The following CNOT11 variants were observed in gnomAD, a reference collection of about 807,000 sequenced individuals.
CNOT11 encodes the protein UPF0760 protein C2orf29.
Under a neutral mutation model 44.6 loss-of-function variants are expected in CNOT11, and 18 were observed. The observed-to-expected ratio is 0.40, with a 90% CI of 0.28 to 0.60. The LOEUF (loss-of-function observed/expected upper bound fraction) is 0.60, where lower values mean the gene tolerates loss of function less well. CNOT11 is among the 20% of genes least tolerant of loss of function. The probability of loss-of-function intolerance (pLI) is 0.38; values close to 1 mark genes in which losing one functional copy is unlikely to be tolerated. For synonymous variants in CNOT11, 291 were observed against 270.9 expected (o/e 1.07, Z -0.73); for missense variants, 513 against 677.0 (o/e 0.76, Z 2.69).
In CNOT11 at chr2:101,262,707, T is replaced by C. The variant is rs777089761; in HGVS notation, c.832+16T>C. The C allele has an allele frequency of 1.2e-6, 2 of 1,607,644 alleles. No homozygotes were observed. The highest frequency in any genetic ancestry group is 3.4e-5 in the Admixed American group (2 of 59,480). ...CCTATTGAAAGTAGGTACATATAAA[T>C]TAATTTATACTCTTTGTTTTATTCT... On this transcript the variant is annotated intron_variant, in intron 3 of 6. Transcript: ENST00000289382.
chr2:101,262,511 A>G (rs769371517), intron 2 of CNOT11, 28 bp from the exon 3 acceptor site: 4 of 1,611,128 alleles, frequency 2.5e-6, no homozygotes, highest in East Asian at 2.2e-5. Flanking sequence ...CATGATGTCC[A>G]TAATTTTAAA....
At chr2:101,261,202 C>A (rs148627998) in intron 2 of CNOT11, among the ~76,000 whole-genome samples, 2 of 152,328 alleles carry the variant, frequency 1.3e-5, no homozygotes, top group African/African-American at 4.8e-5. Flanking sequence ...CTGTTTCTCC[C>A]AGTGGCTGCC....
chr2:101,253,113 G>A lies in CNOT11; in HGVS notation c.149G>A (p.Gly50Glu), dbSNP rs1195213591. 1.3e-6 allele frequency: 2 copies of A among 1,527,468 alleles called. No homozygotes were observed. Among genetic ancestry groups the A allele is most frequent in the Middle Eastern group, 1.9e-4 (1 of 5,302 alleles). The allele number at this position is 1,527,468 out of a possible 1,614,324, so 94.6% of individuals were successfully genotyped here. Reference sequence around the variant, plus strand: ...GGCGGAGCAAGCGGCCCCGGGTCCGGGAGCGGAGGCCCGGGGGGCCCCGCG... The same window carrying A: ...GGCGGAGCAAGCGGCCCCGGGTCCGAGAGCGGAGGCCCGGGGGGCCCCGCG... ...GRGGASGPGS[G>E]SGGPGGPAGR... Residue 50 changes from glycine (G) to glutamate (E), a missense_variant, in exon 1 of 7, where the codon GGG becomes GAG. Coordinates refer to ENST00000289382, the MANE Select transcript of CNOT11 (RefSeq NM_017546.5). This position sits in a 1 kb window ranked among gnomAD's most constrained non-coding sequence, Gnocchi z 4.3.
intron 2 of CNOT11, among the ~76,000 whole-genome samples, chr2:101,261,183 A>G (rs1681854023): frequency 6.6e-6 from 1 of 152,226 alleles, no homozygotes; most frequent in African/African-American, 2.4e-5. Flanking sequence ...TTCAGGGCCT[A>G]CAGGCTCCCT....
chr2:101,266,914 A>G lies in CNOT11; in HGVS notation c.1238+35A>G, dbSNP rs1177683683. Reference sequence around the variant, plus strand: ...TAGATTTGATCAAATGTGTGGGGATAGATACAGATTAGATGGCCAGGAAAG... The same window carrying G: ...TAGATTTGATCAAATGTGTGGGGATGGATACAGATTAGATGGCCAGGAAAG... On this transcript the variant is annotated intron_variant, in intron 5 of 6. Coordinates refer to ENST00000289382, the MANE Select transcript of CNOT11 (RefSeq NM_017546.5). 2.0e-6 allele frequency: 3 copies of G among 1,513,014 alleles called. No individual in the cohort carries two copies. The South Asian group carries it at 3.4e-5, about 17-fold the overall frequency. The allele number at this position is 1,513,014 out of a possible 1,614,324, so 93.7% of individuals were successfully genotyped here.
rs72984893 is a variant in CNOT11, at chr2:101,254,311, A to G, written c.514+833A>G. Among the ~76,000 whole-genome samples the G allele has an allele frequency of 4.8e-3, 728 of 152,268 alleles. 9 individuals are homozygous for G. Among genetic ancestry groups the G allele is most frequent in the African/African-American group, 0.017 (687 of 41,552 alleles). ...TGATCTTACATTCCTTAACCAGTAT[A>G]GGTAGGGCCTGCTATACAGTGAGTC... is the stretch of plus-strand genomic sequence containing the variant. On this transcript the variant is annotated intron_variant, in intron 1 of 6. Coordinates refer to ENST00000289382, the MANE Select transcript of CNOT11 (RefSeq NM_017546.5).
At chr2:101,254,945 C>G (rs1190936404) in intron 1 of CNOT11, among the ~76,000 whole-genome samples, 2 of 152,026 alleles carry the variant, frequency 1.3e-5, no homozygotes, top group African/African-American at 2.4e-5. Flanking sequence ...ATCAGAGGGC[C>G]CTTTGAATTC....
In CNOT11 at chr2:101,262,663, A is replaced by C. The variant is rs1681893314; in HGVS notation, c.804A>C (p.Leu268Phe). The C allele has an allele frequency of 6.2e-7, 1 of 1,614,176 alleles. No individual in the cohort carries two copies. The highest frequency in any genetic ancestry group is 8.5e-7 in the Non-Finnish European group (1 of 1,179,988). ...TTGCCTCTCAGATCACAGAAGCTTT[A>C]GTCAGCGGACCAAAGCCACCTATTG... ...SSVASQITEA[L>F]VSGPKPPIES... The change falls in exon 3 of 7, where the codon TTA (leucine) becomes TTC (phenylalanine). Residue 268 changes from leucine (L) to phenylalanine (F), a missense_variant. Physicochemically the swap from Leu to Phe is conservative, Grantham distance 22. Transcript: ENST00000289382.
rs781728323 is a variant in CNOT11 at position 101,257,814 on chromosome 2, C to T, written c.538C>T (p.Pro180Ser). The T allele has an allele frequency of 1.2e-6, 2 of 1,613,554 alleles. No homozygotes were observed. Among genetic ancestry groups the T allele is most frequent in the Admixed American group, 1.7e-5 (1 of 59,900 alleles). Residue 180 changes from proline (P) to serine (S), a missense_variant, in exon 2 of 7, where the codon CCA becomes TCA. This residue lies in a region of CNOT11 where 259 missense variants were observed against 265.7 expected (regional missense o/e 0.97). Transcript: ENST00000289382. ...LSGFLPPITPPEKFFLSQLML... is the reference protein window; with the variant it reads ...LSGFLPPITPSEKFFLSQLML... ...AGGATTTTTACCTCCTATAACTCCA[C>T]CAGAAAAGTTTTTTCTTTCCCAGCT...
Position 101,257,798 on chromosome 2 carries a change from A to C in CNOT11, c.522A>C (p.Leu174Phe). 6.2e-7 allele frequency: 1 copy of C among 1,604,170 alleles called. No homozygotes were observed. Among genetic ancestry groups the C allele is most frequent in the Non-Finnish European group, 8.5e-7 (1 of 1,176,010 alleles). The change falls in exon 2 of 7, where the codon TTA becomes TTC. Residue 174 changes from leucine to phenylalanine, a missense_variant. By Grantham distance (22) the Leu-to-Phe change is conservative. Coordinates refer to ENST00000289382, the MANE Select transcript of CNOT11 (RefSeq NM_017546.5). ...ATACATTTTTGTTTGCAGGATTTTT[A>C]CCTCCTATAACTCCACCAGAAAAGT... Reference protein sequence around the residue: ...EPDRPPLSGFLPPITPPEKFF... With the variant: ...EPDRPPLSGFFPPITPPEKFF...
chr2:101,264,288 A>G (rs1681929073), intron 3 of CNOT11, among the ~76,000 whole-genome samples: 1 of 152,234 alleles, frequency 6.6e-6, no homozygotes, highest in Non-Finnish European at 1.5e-5. Context: ...AAATGAATAT[A>G]GTATTTGTGA....
chr2:101,268,073 GGA>G (rs1682031640), intron 5 of CNOT11, among the ~76,000 whole-genome samples: 2 of 152,358 alleles, frequency 1.3e-5, no homozygotes, highest in Non-Finnish European at 2.9e-5. Flanking sequence ...GTGCATAGAA[GGA>G]GAGTGCGTTC....
chr2:101,258,772 C>T (rs921865875), intron 2 of CNOT11, among the ~76,000 whole-genome samples: 1 of 141,484 alleles, frequency 7.1e-6, no homozygotes, highest in Admixed American at 7.3e-5. Flanking sequence ...TGAGATTGTG[C>T]AACTGCACTT....
chr2:101,263,318 ATTTCCT>A (rs1463242689), intron 3 of CNOT11, among the ~76,000 whole-genome samples: 2 of 152,064 alleles, frequency 1.3e-5, no homozygotes, highest in Admixed American at 1.3e-4. Context: ...TATTGCTATC[ATTTCCT>A]TTTCCATTTT....
rs536204792 is a variant in CNOT11, at chr2:101,270,245, G to T, written c.*832G>T. 1 of 152,640 alleles carries T rather than the reference G, an allele frequency of 6.6e-6. No homozygotes were observed. The highest frequency in any genetic ancestry group is 1.9e-4 in the East Asian group (1 of 5,166). The allele number at this position is 152,640 out of a possible 1,614,324, so 9.5% of individuals were successfully genotyped here. ...AGAAGTAGGAGAGCAGGGTGGTACC[G>T]TGTGGGCTCTTACCCTTTATGTGAT... On this transcript the variant is annotated 3_prime_UTR_variant, in exon 7 of 7. Transcript: ENST00000289382.
In CNOT11 at chr2:101,266,757, A is replaced by T. The variant is rs1159282016; in HGVS notation, c.1116A>T (p.Glu372Asp). 6.2e-6 allele frequency: 10 copies of T among 1,614,162 alleles called. No homozygotes were observed. The highest frequency in any genetic ancestry group is 7.6e-6 in the Non-Finnish European group (9 of 1,179,992). Reference protein sequence around the residue: ...LTPAKLPDLVENNPLVAIEML... With the variant: ...LTPAKLPDLVDNNPLVAIEML... The stretch of plus-strand genomic sequence containing the variant: ...CAGCCAAACTTCCTGACCTTGTGGA[A>T]AACAACCCTTTAGTCGCTATAGAAA... The change falls in exon 5 of 7, where the codon GAA becomes GAT. Residue 372 changes from glutamate to aspartate, a missense_variant. Glu to Asp is a conservative substitution (Grantham distance 45). Coordinates refer to ENST00000289382, the MANE Select transcript of CNOT11 (RefSeq NM_017546.5).
chr2:101,254,225 G>A (rs1681689715), intron 1 of CNOT11, among the ~76,000 whole-genome samples: 1 of 152,114 alleles, frequency 6.6e-6, no homozygotes, highest in Non-Finnish European at 1.5e-5. Context: ...TGTTGACAAC[G>A]GGACCTGAAG....
chr2:101,269,233 T>C lies in CNOT11; in HGVS notation c.1353T>C (p.Leu451=), dbSNP rs760037019. The change falls in exon 7 of 7, where the codon CTT becomes CTC. Residue 451 remains leucine, a synonymous_variant. Transcript: ENST00000289382. The surrounding 1 kb of genome is among the most constrained non-coding windows in gnomAD (Gnocchi z 4.8). The part of the protein sequence containing the change: ...DKYMQNRLVR[L]VCVFLQSLIR... ...TTTTTCAGAATCGGTTGGTGCGTCT[T>C]GTGTGTGTGTTTCTCCAATCCTTGA... 6.2e-7 allele frequency: 1 copy of C among 1,610,310 alleles called. No individual in the cohort carries two copies. Among genetic ancestry groups the C allele is most frequent in the South Asian group, 1.1e-5 (1 of 90,858 alleles).
At chr2:101,259,340 C>T (rs1341017328) in intron 2 of CNOT11, among the ~76,000 whole-genome samples, 5 of 152,156 alleles carry the variant, frequency 3.3e-5, no homozygotes, top group African/African-American at 9.7e-5. Context: ...ACTTTGTTCT[C>T]GTTCAGGATT....
Sources: allele counts gnomAD v4.1 joint callset (sites outside exome capture counted in the v4.1 genomes callset), GRCh38; gene constraint gnomAD v4.1.1; regional missense constraint gnomAD v4.1.1; non-coding constraint Gnocchi (gnomAD v3.1); transcripts MANE v1.5; gene names NCBI Gene and HGNC (gene_info 2026-07-23, HGNC 2026-07-21).